The following ANTXR1 variants were observed in gnomAD, a reference collection of about 807,000 sequenced individuals.
ANTXR1 encodes the protein anthrax toxin receptor 1.
ANTXR1 carries 19 observed loss-of-function variants against 78.1 expected under a neutral mutation model. That is an observed-to-expected ratio of 0.24 (90% CI 0.17 to 0.36). The LOEUF is 0.36. ANTXR1 is among the 10% of genes least tolerant of loss of function. The pLI is 1.00. For missense variants in ANTXR1, 518 were observed against 718.6 expected (o/e 0.72, Z 3.19); for synonymous variants, 273 against 260.5 (o/e 1.05, Z -0.46).
At chr2:69,137,425 G>A (rs977322450) in intron 12 of ANTXR1, among the ~76,000 whole-genome samples, 75 of 152,188 alleles carry the variant, frequency 4.9e-4, no homozygotes, top group African/African-American at 1.7e-3. Context: ...AATGACCAAT[G>A]TGTCCATTTA....
intron 17 of ANTXR1, among the ~76,000 whole-genome samples, chr2:69,203,773 C>T (rs1368601488): frequency 6.6e-6 from 1 of 152,064 alleles, no homozygotes; most frequent in Admixed American, 6.6e-5. Flanking sequence ...TCATCATCAT[C>T]ATCATTTTGT....
intron 13 of ANTXR1, among the ~76,000 whole-genome samples, chr2:69,157,123 C>T (rs1358709263): frequency 6.6e-6 from 1 of 152,122 alleles, no homozygotes; most frequent in Non-Finnish European, 1.5e-5. Context: ...CCAGTGGTCT[C>T]CATTCACTTC....
At chr2:69,070,920 C>T (rs1417128282) in intron 4 of ANTXR1, among the ~76,000 whole-genome samples, 192 bp downstream of exon 4, 1 of 152,156 alleles carries the variant, frequency 6.6e-6, no homozygotes, top group African/African-American at 2.4e-5. Flanking sequence ...GATTCCCTTC[C>T]TTCTTCCCTG....
intron 1 of ANTXR1, among the ~76,000 whole-genome samples, chr2:69,018,978 G>C (rs1671106195): frequency 6.6e-6 from 1 of 152,214 alleles, no homozygotes; most frequent in African/African-American, 2.4e-5. Flanking sequence ...CTGCAACCCA[G>C]AGAAATGCTC....
Position 69,077,587 on chromosome 2 carries a change from T to C in ANTXR1, c.642+99T>C, listed in dbSNP as rs7424907. 140,989 of 1,299,614 alleles carry C rather than the reference T, an allele frequency of 0.11. 8,445 individuals carry two copies. The highest frequency in any genetic ancestry group is 0.2 in the East Asian group (8,789 of 43,394). 80.5% of individuals were successfully genotyped at this position (1,299,614 alleles called of 1,614,324 possible). On this transcript the variant is annotated intron_variant, in intron 8 of 17. Coordinates refer to ENST00000303714, the MANE Select transcript of ANTXR1 (RefSeq NM_032208.3). ...TCCATCTCTCAAAGCCTGGTGTTTTTCTGCTTAAGAGAACATCATTTCTTC... is the reference window on the plus strand; with the variant it reads ...TCCATCTCTCAAAGCCTGGTGTTTTCCTGCTTAAGAGAACATCATTTCTTC...
intron 8 of ANTXR1, 30 bp downstream of exon 8, chr2:69,077,518 C>T (rs773952062): frequency 3.1e-6 from 5 of 1,609,522 alleles, no homozygotes; most frequent in African/African-American, 1.3e-5. Flanking sequence ...TGAGACTAGA[C>T]ATTCAGGCAC....
At chr2:69,110,756 G>T (rs1486694676) in intron 10 of ANTXR1, among the ~76,000 whole-genome samples, 1 of 152,108 alleles carries the variant, frequency 6.6e-6, no homozygotes, top group Non-Finnish European at 1.5e-5. Context: ...CAGCTACTCG[G>T]GAGGCTGAGG....
At chr2:69,145,550 G>GA in intron 12 of ANTXR1, 2 of 1,413,436 alleles carry the variant, frequency 1.4e-6, no homozygotes, top group Non-Finnish European at 1.8e-6. Context: ...GGAGGGACAG[G>GA]AAACGTTCCC....
At chr2:69,074,513 A>G (rs969124971) in intron 6 of ANTXR1, among the ~76,000 whole-genome samples, 2 of 152,198 alleles carry the variant, frequency 1.3e-5, no homozygotes, top group African/African-American at 4.8e-5. Context: ...AAAAAGAAAG[A>G]TAAAGCTCAA....
intron 10 of ANTXR1, among the ~76,000 whole-genome samples, chr2:69,121,256 G>A (rs1672337896): frequency 6.6e-6 from 1 of 152,144 alleles, no homozygotes; most frequent in Non-Finnish European, 1.5e-5. Context: ...CTTGGCACAT[G>A]GTACACACTC....
intron 1 of ANTXR1, among the ~76,000 whole-genome samples, chr2:69,036,287 C>A (rs934621767): frequency 2.4e-4 from 37 of 152,266 alleles, no homozygotes; most frequent in African/African-American, 8.7e-4. Context: ...TGTTTTGATA[C>A]AGGCATGCAA....
rs562017607 is a variant in ANTXR1, at chr2:69,028,321, A to T, written c.153-11723A>T. ...CCTGGTGACAATCTTTAAAAGACAA[A>T]AGAAGAACTTTATAAGTGGGAAGAA... On this transcript the variant is annotated intron_variant, in intron 1 of 17. Coordinates refer to ENST00000303714, the MANE Select transcript of ANTXR1 (RefSeq NM_032208.3). Among the ~76,000 whole-genome samples, 5 of 152,262 alleles carry T rather than the reference A, an allele frequency of 3.3e-5. No individual in the cohort carries two copies. The South Asian group carries it at 6.2e-4, about 19-fold the overall frequency.
At chr2:69,063,555 G>A (rs915417475) in intron 3 of ANTXR1, among the ~76,000 whole-genome samples, 1 of 151,322 alleles carries the variant, frequency 6.6e-6, no homozygotes, top group African/African-American at 2.4e-5. Flanking sequence ...ATGATACCAG[G>A]TATAAACTAG....
intron 17 of ANTXR1, among the ~76,000 whole-genome samples, chr2:69,207,672 A>T (rs1418989594): frequency 6.6e-6 from 1 of 152,136 alleles, no homozygotes; most frequent in Non-Finnish European, 1.5e-5. Flanking sequence ...CTTGGTAGTG[A>T]AGCAGGATTT....
chr2:69,148,799 A>C (rs866610716), intron 12 of ANTXR1, among the ~76,000 whole-genome samples: 2 of 152,224 alleles, frequency 1.3e-5, no homozygotes, highest in Admixed American at 1.3e-4. Context: ...CAGGATATAC[A>C]GCTGTTGAGT....
intron 2 of ANTXR1, among the ~76,000 whole-genome samples, chr2:69,041,486 C>T (rs1188263126): frequency 1.3e-5 from 2 of 152,326 alleles, no homozygotes; most frequent in African/African-American, 4.8e-5. Context: ...TTCTGGGCTT[C>T]TGTTCTCTCT....
intron 9 of ANTXR1, among the ~76,000 whole-genome samples, chr2:69,100,836 G>T (rs923351825): frequency 6.6e-6 from 1 of 152,168 alleles, no homozygotes; most frequent in Admixed American, 6.5e-5. Context: ...AGCCAACCAA[G>T]GAATCTGTCA....
intron 2 of ANTXR1, among the ~76,000 whole-genome samples, chr2:69,043,489 G>A (rs571921050): frequency 2.3e-4 from 35 of 152,264 alleles, no homozygotes; most frequent in African/African-American, 8.4e-4. Context: ...CAGTGCTGGG[G>A]AAGTAGTCCC....
chr2:69,031,121 G>A (rs1671519481), intron 1 of ANTXR1, among the ~76,000 whole-genome samples: 1 of 152,092 alleles, frequency 6.6e-6, no homozygotes, highest in African/African-American at 2.4e-5. Flanking sequence ...TTACTGTCTG[G>A]CCCTTCACAG....
Sources: gnomAD v4.1 joint callset for allele counts (sites outside exome capture counted in the v4.1 genomes callset) on GRCh38, gnomAD v4.1.1 for gene constraint, MANE v1.5 for transcripts, NCBI Gene and HGNC (gene_info 2026-07-23, HGNC 2026-07-21) for gene names.